ZNF778: variants seen among roughly 807,000 people sequenced by gnomAD.
ZNF778 encodes the protein zinc finger protein 778.
In ZNF778, 37 loss-of-function variants were observed where a neutral mutation model predicts 23.9. That is an observed-to-expected ratio of 1.54 (90% CI 1.19 to 2.03). The LOEUF (loss-of-function observed/expected upper bound fraction) is 2.03, where lower values mean the gene tolerates loss of function less well. ZNF778 is among the 30% of genes most tolerant of loss of function. The pLI is 0.00. For synonymous variants in ZNF778, 483 were observed against 343.9 expected (o/e 1.40, Z -4.48); for missense variants, 1,297 against 934.4 (o/e 1.39, Z -5.06).
chr16:89,221,873 T>C (rs1407436696), intron 2 of ZNF778, among the ~76,000 whole-genome samples: 1 of 151,904 alleles, frequency 6.6e-6, no homozygotes, highest in African/African-American at 2.4e-5. Flanking sequence ...TGTGTGTGTG[T>C]TTTCCTGAGG....
Position 89,232,895 on chromosome 16 carries a change from TGC to T in ZNF778, c.*4335_*4336del. On this transcript the variant is annotated 3_prime_UTR_variant, in exon 7 of 7. Coordinates refer to ENST00000433976, the MANE Select transcript of ZNF778 (RefSeq NM_001201407.2). ...ACTGCGTATGCAACTCAACTCGCAC[TGC>T]GTATGCAACTCAACTCGCACTGCGT... is the stretch of plus-strand genomic sequence containing the variant. The T allele has an allele frequency of 1.6e-6, 2 of 1,266,714 alleles. No individual in the cohort carries two copies. Among genetic ancestry groups the T allele is most frequent in the South Asian group, 1.3e-5 (1 of 77,622 alleles). 78.5% of individuals were successfully genotyped at this position (1,266,714 alleles called of 1,614,324 possible).
Position 89,236,707 on chromosome 16 carries a change from G to C in ZNF778, c.*8145G>C, listed in dbSNP as rs2032249105. The C allele has an allele frequency of 6.6e-6, 1 of 152,196 alleles. No homozygotes were observed. Among genetic ancestry groups the C allele is most frequent in the African/African-American group, 2.4e-5 (1 of 41,438 alleles). The allele number at this position is 152,196 out of a possible 1,614,324, so 9.4% of individuals were successfully genotyped here. ...CGTGGCTGGACGGCGTGGAGGTTCC[G>C]TGCTCCATTTCAGTGGCAAAATACC... On this transcript the variant is annotated 3_prime_UTR_variant, in exon 7 of 7. Coordinates refer to ENST00000433976, the MANE Select transcript of ZNF778 (RefSeq NM_001201407.2).
At chr16:89,220,065 G>A (rs143762663) in intron 1 of ZNF778, among the ~76,000 whole-genome samples, 43 of 152,306 alleles carry the variant, frequency 2.8e-4, no homozygotes, top group African/African-American at 1.0e-3. Context: ...CAGTCTGAGG[G>A]TCAGGTCCTC....
rs753256186 is a variant in ZNF778, at chr16:89,236,298, A to G, written c.*7736A>G. 7 of 152,236 alleles carry G rather than the reference A, an allele frequency of 4.6e-5. No individual in the cohort carries two copies. Among genetic ancestry groups the G allele is most frequent in the East Asian group, 1.9e-4 (1 of 5,200 alleles). 9.4% of individuals were successfully genotyped at this position (152,236 alleles called of 1,614,324 possible). Reference sequence around the variant, plus strand: ...ACAGTGCTTCCAGAAGAACAATTCAATTGACCGGGTTTCTCGTCGGAAGCC... The same window carrying G: ...ACAGTGCTTCCAGAAGAACAATTCAGTTGACCGGGTTTCTCGTCGGAAGCC... On this transcript the variant is annotated 3_prime_UTR_variant, in exon 7 of 7. Coordinates refer to ENST00000433976, the MANE Select transcript of ZNF778 (RefSeq NM_001201407.2).
intron 4 of ZNF778, among the ~76,000 whole-genome samples, chr16:89,224,475 C>A (rs2031280917): frequency 6.6e-6 from 1 of 152,120 alleles, no homozygotes; most frequent in African/African-American, 2.4e-5. Context: ...AAAAACTAGC[C>A]AGGCGTGGTG....
chr16:89,229,235 G>A lies in ZNF778; in HGVS notation c.*673G>A, dbSNP rs2031767983. The A allele has an allele frequency of 1.0e-6, 1 of 985,470 alleles. No homozygotes were observed. 61.0% of individuals were successfully genotyped at this position (985,470 alleles called of 1,614,324 possible). On this transcript the variant is annotated 3_prime_UTR_variant, in exon 7 of 7. Transcript: ENST00000433976. ...GTAGGCTCTGGTTGGTTAGTCTTGA[G>A]GATCCAGATGTGATTCTTTGAGCAG...
Position 89,233,507 on chromosome 16 carries a change from T to A in ZNF778, c.*4945T>A, listed in dbSNP as rs1266844563. The stretch of plus-strand genomic sequence containing the variant: ...ACACTGCGTATGCAACTCAGCTTGC[T>A]CTGTGTATGCAACTCAACTCGCACT... On this transcript the variant is annotated 3_prime_UTR_variant, in exon 7 of 7. Transcript: ENST00000433976. The A allele has an allele frequency of 2.5e-5, 31 of 1,261,512 alleles. No individual in the cohort carries two copies. The highest frequency in any genetic ancestry group is 1.2e-4 in the East Asian group (2 of 17,238). The allele number at this position is 1,261,512 out of a possible 1,614,324, so 78.1% of individuals were successfully genotyped here.
In ZNF778 at chr16:89,230,196, A is replaced by T. The variant is rs2031842562; in HGVS notation, c.*1634A>T. 2.4e-6 allele frequency: 1 copy of T among 409,122 alleles called. No homozygotes were observed. Among genetic ancestry groups the T allele is most frequent in the South Asian group, 1.0e-4 (1 of 9,662 alleles). The allele number at this position is 409,122 out of a possible 1,614,324, so 25.3% of individuals were successfully genotyped here. A position where few individuals can be genotyped will look rare whatever the true frequency, so the allele number is the denominator to read the frequency against. The stretch of plus-strand genomic sequence containing the variant: ...TCTCCCATACCTGATCCCTTCAGAT[A>T]AAACACCAGGGTGCAAGGAGGGGCA... On this transcript the variant is annotated 3_prime_UTR_variant, in exon 7 of 7. Coordinates refer to ENST00000433976, the MANE Select transcript of ZNF778 (RefSeq NM_001201407.2).
At chr16:89,218,669 T>C (rs895360389) in intron 1 of ZNF778, among the ~76,000 whole-genome samples, 1 of 152,124 alleles carries the variant, frequency 6.6e-6, no homozygotes, top group Non-Finnish European at 1.5e-5. Flanking sequence ...CGGGCTCCTG[T>C]AGTCCCAGCT....
rs2031990502 is a variant in ZNF778 at position 89,232,740 on chromosome 16, C to T, written c.*4178C>T. ...CTAGATCATTCCTAAAGATGGTAAA[C>T]AACTTGCTGGAAACATGCACTGCAT... On this transcript the variant is annotated 3_prime_UTR_variant, in exon 7 of 7. Transcript: ENST00000433976. 1 of 1,283,190 alleles carries T rather than the reference C, an allele frequency of 7.8e-7. No individual in the cohort carries two copies. Among genetic ancestry groups the T allele is most frequent in the Non-Finnish European group, 1.0e-6 (1 of 984,384 alleles). The allele number at this position is 1,283,190 out of a possible 1,614,324, so 79.5% of individuals were successfully genotyped here.
At chr16:89,221,270 C>T (rs1212586737) in intron 2 of ZNF778, 118 bp downstream of exon 2, 2 of 1,207,748 alleles carry the variant, frequency 1.7e-6, no homozygotes, top group African/African-American at 1.5e-5. Flanking sequence ...ATTGCAGCTG[C>T]TGGAGTGAGC....
rs2030491810 is a variant in ZNF778 at position 89,217,834 on chromosome 16, C to T, written c.-208C>T. ...CGCCCGCCTGCCTCGCGCCTTGCGC[C>T]CCCGGCACCGCTTCCAGAAGGGAAA... On this transcript the variant is annotated 5_prime_UTR_variant, in exon 1 of 7. Coordinates refer to ENST00000433976, the MANE Select transcript of ZNF778 (RefSeq NM_001201407.2). The T allele has an allele frequency of 6.6e-6, 1 of 152,314 alleles. No individual in the cohort carries two copies. Among genetic ancestry groups the T allele is most frequent in the South Asian group, 2.1e-4 (1 of 4,838 alleles). The allele number at this position is 152,314 out of a possible 1,614,324, so 9.4% of individuals were successfully genotyped here. A position where few individuals can be genotyped will look rare whatever the true frequency, so the allele number is the denominator to read the frequency against.
chr16:89,234,884 C>G lies in ZNF778; in HGVS notation c.*6322C>G, dbSNP rs1052523314. ...TGAACCGAGATCGCGCCACTGCACT[C>G]CAGCCTGGCAACAGAGTGAGACTCT... On this transcript the variant is annotated 3_prime_UTR_variant, in exon 7 of 7. Transcript: ENST00000433976. The G allele has an allele frequency of 7.2e-5, 11 of 152,176 alleles. No homozygotes were observed. Among genetic ancestry groups the G allele is most frequent in the African/African-American group, 2.7e-4 (11 of 41,414 alleles). The allele number at this position is 152,176 out of a possible 1,614,324, so 9.4% of individuals were successfully genotyped here.
Position 89,234,063 on chromosome 16 carries a change from C to T in ZNF778, c.*5501C>T. 1.4e-6 allele frequency: 1 copy of T among 708,342 alleles called. No homozygotes were observed. Among genetic ancestry groups the T allele is most frequent in the Non-Finnish European group, 2.2e-6 (1 of 457,692 alleles). 43.9% of individuals were successfully genotyped at this position (708,342 alleles called of 1,614,324 possible). On this transcript the variant is annotated 3_prime_UTR_variant, in exon 7 of 7. Coordinates refer to ENST00000433976, the MANE Select transcript of ZNF778 (RefSeq NM_001201407.2). ...GCTCTGACTTCTGCCTCCTGCCCAGCTCTGCAGCTCCCCTTGGGCCCTGCC... is the reference window on the plus strand; with the variant it reads ...GCTCTGACTTCTGCCTCCTGCCCAGTTCTGCAGCTCCCCTTGGGCCCTGCC...
In ZNF778 at chr16:89,221,051, C is replaced by G; in HGVS notation, c.-77C>G. On this transcript the variant is annotated 5_prime_UTR_variant, in exon 2 of 7. Transcript: ENST00000433976. ...GGAGGAATGGAGACTGTACCTTCCACATAGATTCACAAGCTGCCCTGCAGT... is the reference window on the plus strand; with the variant it reads ...GGAGGAATGGAGACTGTACCTTCCAGATAGATTCACAAGCTGCCCTGCAGT... 6.6e-7 allele frequency: 1 copy of G among 1,516,008 alleles called. No individual in the cohort carries two copies. The highest frequency in any genetic ancestry group is 9.0e-7 in the Non-Finnish European group (1 of 1,115,728). 93.9% of individuals were successfully genotyped at this position (1,516,008 alleles called of 1,614,324 possible). A position where few individuals can be genotyped will look rare whatever the true frequency, so the allele number is the denominator to read the frequency against.
chr16:89,226,511 C>G (rs1288740118), intron 6 of ZNF778, among the ~76,000 whole-genome samples, 183 bp from the exon 7 acceptor site: 1 of 152,164 alleles, frequency 6.6e-6, no homozygotes, highest in East Asian at 1.9e-4. Context: ...GTCCTGATGG[C>G]ACAGGATTCT....
intron 6 of ZNF778, among the ~76,000 whole-genome samples, chr16:89,226,446 C>A (rs1210068511): frequency 6.6e-6 from 1 of 152,184 alleles, no homozygotes; most frequent in African/African-American, 2.4e-5. Flanking sequence ...CTCAGGTGAT[C>A]TGCCCGCCTC....
In ZNF778 at chr16:89,233,080, G is replaced by T. The variant is rs757134104; in HGVS notation, c.*4518G>T. The T allele has an allele frequency of 8.2e-7, 1 of 1,214,714 alleles. No homozygotes were observed. Among genetic ancestry groups the T allele is most frequent in the African/African-American group, 1.9e-5 (1 of 51,754 alleles). The allele number at this position is 1,214,714 out of a possible 1,614,324, so 75.2% of individuals were successfully genotyped here. Reference sequence around the variant, plus strand: ...GCGTATGCAACTCAGCTCGCACTGCGTATGCAACTCAGCTCGCACTGCGTA... The same window carrying T: ...GCGTATGCAACTCAGCTCGCACTGCTTATGCAACTCAGCTCGCACTGCGTA... On this transcript the variant is annotated 3_prime_UTR_variant, in exon 7 of 7. Transcript: ENST00000433976.
At position 89,232,851 on chromosome 16, in the gene ZNF778, TGTATGCAAATCAACTCGCACTGC is replaced by T. The variant is rs1360790165; in HGVS notation, c.*4298_*4320del. 4.0e-6 allele frequency: 5 copies of T among 1,252,584 alleles called. No individual in the cohort carries two copies. The highest frequency in any genetic ancestry group is 2.2e-4 in the Middle Eastern group (1 of 4,616). The allele number at this position is 1,252,584 out of a possible 1,614,324, so 77.6% of individuals were successfully genotyped here. A position where few individuals can be genotyped will look rare whatever the true frequency, so the allele number is the denominator to read the frequency against. ...CGTATATGCAACTCAACTCACACCG[TGTATGCAAATCAACTCGCACTGC>T]GTATGCAACTCAACTCGCACTGCGT... is the stretch of plus-strand genomic sequence containing the variant. On this transcript the variant is annotated 3_prime_UTR_variant, in exon 7 of 7. Transcript: ENST00000433976.
Sources: allele counts gnomAD v4.1 joint callset (sites outside exome capture counted in the v4.1 genomes callset), GRCh38; gene constraint gnomAD v4.1.1; transcripts MANE v1.5; gene names NCBI Gene and HGNC (gene_info 2026-07-23, HGNC 2026-07-21).